Variants in ATCAY observed in about 807,000 individuals in gnomAD.
The protein encoded by ATCAY is ATCAY kinesin light chain interacting caytaxin.
ATCAY carries 22 observed loss-of-function variants against 47.7 expected under a neutral mutation model. That is an observed-to-expected ratio of 0.46 (90% CI 0.33 to 0.66). The LOEUF (loss-of-function observed/expected upper bound fraction) is 0.66, where lower values mean the gene tolerates loss of function less well. ATCAY is among the 30% of genes least tolerant of loss of function. The probability of loss-of-function intolerance (pLI) is 0.02; values close to 1 mark genes in which losing one functional copy is unlikely to be tolerated. For missense variants in ATCAY, 452 were observed against 515.0 expected (o/e 0.88, Z 1.18); for synonymous variants, 216 against 207.6 (o/e 1.04, Z -0.35).
chr19:3,882,123 G>T (rs182749653), intron 1 of ATCAY, among the ~76,000 whole-genome samples: 11 of 152,164 alleles, frequency 7.2e-5, no homozygotes, highest in Non-Finnish European at 1.3e-4. Flanking sequence ...TATGCTGGGG[G>T]GCTGCAGGTA....
At chr19:3,913,657 G>A (rs989989305) in intron 8 of ATCAY, 101 bp from the exon 9 acceptor site, 2 of 816,624 alleles carry the variant, frequency 2.4e-6, no homozygotes, top group Non-Finnish European at 4.1e-6. Flanking sequence ...CCTGGAGTGG[G>A]GTCCTGTGGG....
Position 3,925,683 on chromosome 19 carries a change from A to G in ATCAY, c.*1091A>G, listed in dbSNP as rs189314913. The G allele has an allele frequency of 1.9e-4, 29 of 152,350 alleles. No homozygotes were observed. Among genetic ancestry groups the G allele is most frequent in the African/African-American group, 6.7e-4 (28 of 41,584 alleles). The allele number at this position is 152,350 out of a possible 1,614,324, so 9.4% of individuals were successfully genotyped here. ...GATCACTGGTCAGATGGACTCTAGA[A>G]GCACTGAGCTCCCTGTCTCTGGAAG... On this transcript the variant is annotated 3_prime_UTR_variant, in exon 13 of 13. Transcript: ENST00000450849. This position sits in a 1 kb window ranked among gnomAD's most constrained non-coding sequence, Gnocchi z 4.4.
intron 1 of ATCAY, among the ~76,000 whole-genome samples, chr19:3,885,009 A>C (rs1245416724): frequency 6.6e-6 from 1 of 150,634 alleles, no homozygotes; most frequent in African/African-American, 2.4e-5. Flanking sequence ...GGGCTGAGGC[A>C]GGAGGATTGC....
intron 3 of ATCAY, among the ~76,000 whole-genome samples, chr19:3,904,773 G>C (rs559188054): frequency 1.3e-5 from 2 of 152,260 alleles, no homozygotes; most frequent in East Asian, 3.9e-4. Flanking sequence ...GTGGAGACAG[G>C]AGGGTGAGAG....
At chr19:3,890,177 C>G (rs545569447) in intron 2 of ATCAY, among the ~76,000 whole-genome samples, 89 of 149,048 alleles carry the variant, frequency 6.0e-4, no homozygotes, top group African/African-American at 2.2e-3. Context: ...CTCTCAACCT[C>G]AGGTGATCTG....
intron 2 of ATCAY, among the ~76,000 whole-genome samples, chr19:3,894,187 T>A (rs1475749137): frequency 6.6e-6 from 1 of 151,638 alleles, no homozygotes; most frequent in Non-Finnish European, 1.5e-5. Context: ...CAGAAAAATA[T>A]AAAAATTAGC....
chr19:3,899,928 G>T (rs1239132261), intron 2 of ATCAY, among the ~76,000 whole-genome samples: 1 of 152,102 alleles, frequency 6.6e-6, no homozygotes, highest in Non-Finnish European at 1.5e-5. Context: ...CAGCATTTCT[G>T]TCTCAAAAAG....
At chr19:3,908,985 C>T in intron 6 of ATCAY, among the ~76,000 whole-genome samples, 1 of 52,942 alleles carries the variant, frequency 1.9e-5, no homozygotes, top group Non-Finnish European at 3.2e-5. Context: ...GCCTGGGTGA[C>T]AGAGTGAGAA....
intron 1 of ATCAY, among the ~76,000 whole-genome samples, chr19:3,885,109 T>A (rs867191089): frequency 0.025 from 1,749 of 70,342 alleles, 27 homozygotes; most frequent in Admixed American, 0.034. Context: ...TTTTTTTTTT[T>A]AAAAAAAAAA....
At chr19:3,899,255 C>T (rs1336223255) in intron 2 of ATCAY, among the ~76,000 whole-genome samples, 2 of 150,652 alleles carry the variant, frequency 1.3e-5, no homozygotes, top group Admixed American at 1.3e-4. Flanking sequence ...AGATTCCGCC[C>T]CAAAAAGGTT....
At chr19:3,900,881 G>C (rs548400449) in intron 2 of ATCAY, among the ~76,000 whole-genome samples, 60 of 140,240 alleles carry the variant, frequency 4.3e-4, no homozygotes, top group Non-Finnish European at 7.4e-4. Context: ...AGCCTACACA[G>C]AGTTATCCTT....
chr19:3,893,343 CT>C (rs1186544974), intron 2 of ATCAY, among the ~76,000 whole-genome samples: 2 of 152,016 alleles, frequency 1.3e-5, no homozygotes, highest in Non-Finnish European at 2.9e-5. Flanking sequence ...CCATGCCAGG[CT>C]AATTTTAGTA....
chr19:3,916,969 A>G (rs1457743317), intron 9 of ATCAY, among the ~76,000 whole-genome samples: 3 of 151,616 alleles, frequency 2.0e-5, no homozygotes, highest in African/African-American at 4.8e-5. Flanking sequence ...CACCACGCCC[A>G]GCTAATTTTT....
At chr19:3,885,109 TAAA>T (rs34258948) in intron 1 of ATCAY, among the ~76,000 whole-genome samples, 108 of 70,312 alleles carry the variant, frequency 1.5e-3, no homozygotes, top group Middle Eastern at 9.3e-3. Flanking sequence ...TTTTTTTTTT[TAAA>T]AAAAAAAAAA....
At chr19:3,888,023 G>A (rs893435340) in intron 2 of ATCAY, among the ~76,000 whole-genome samples, 1 of 151,596 alleles carries the variant, frequency 6.6e-6, no homozygotes, top group African/African-American at 2.4e-5. Context: ...GCTGAGGCAG[G>A]AGAATCACTT....
At chr19:3,905,943 C>T (rs1028431347) in intron 4 of ATCAY, among the ~76,000 whole-genome samples, 3 of 151,814 alleles carry the variant, frequency 2.0e-5, no homozygotes, top group Non-Finnish European at 4.4e-5. Context: ...GAGGCCGAGG[C>T]GGGCAGATCA....
intron 3 of ATCAY, among the ~76,000 whole-genome samples, chr19:3,903,424 T>C (rs1412718610): frequency 1.3e-5 from 2 of 151,986 alleles, no homozygotes; most frequent in African/African-American, 4.8e-5. Context: ...AGGGCCCAGG[T>C]TGGCACCGTG....
rs1276085585 is a variant in ATCAY, at chr19:3,912,603, G to T, written c.867-1155G>T. On this transcript the variant is annotated intron_variant, in intron 8 of 12. Coordinates refer to ENST00000450849, the MANE Select transcript of ATCAY (RefSeq NM_033064.5). ...AAAAATTTTTTTTTAAATACGGCCA[G>T]GTGTGGTGACCCAGGCTTGTAATCC... is the stretch of plus-strand genomic sequence containing the variant. Among the ~76,000 whole-genome samples, 3 of 152,150 alleles carry T rather than the reference G, an allele frequency of 2.0e-5. No individual in the cohort carries two copies. The East Asian group carries it at 5.8e-4, about 29-fold the overall frequency.
At position 3,907,533 on chromosome 19, in the gene ATCAY, T is replaced by C. The variant is rs2038872155; in HGVS notation, c.359-201T>C. On this transcript the variant is annotated intron_variant, in intron 4 of 12. Transcript: ENST00000450849. This position sits in a 1 kb window ranked among gnomAD's most constrained non-coding sequence, Gnocchi z 5.1. Reference sequence around the variant, plus strand: ...AAAGGGAATGTCCAGAAAGGCTTCCTGGAGGAGGCGGCATTTGAGCCAGGC... The same window carrying C: ...AAAGGGAATGTCCAGAAAGGCTTCCCGGAGGAGGCGGCATTTGAGCCAGGC... Among the ~76,000 whole-genome samples, 1 of 152,134 alleles carries C rather than the reference T, an allele frequency of 6.6e-6. No homozygotes were observed. Among genetic ancestry groups the C allele is most frequent in the Non-Finnish European group, 1.5e-5 (1 of 68,014 alleles).
Sources: gnomAD v4.1 joint callset for allele counts (sites outside exome capture counted in the v4.1 genomes callset) on GRCh38, gnomAD v4.1.1 for gene constraint, Gnocchi (gnomAD v3.1) non-coding constraint, MANE v1.5 for transcripts, NCBI Gene and HGNC (gene_info 2026-07-23, HGNC 2026-07-21) for gene names.